The following FBXL7 variants were observed in gnomAD, a reference collection of about 807,000 sequenced individuals.
FBXL7 encodes F-box and leucine rich repeat protein 7.
A neutral mutation model predicts 38.3 loss-of-function variants in FBXL7; 12 were observed. That is an observed-to-expected ratio of 0.31 (90% confidence interval 0.20 to 0.51). The LOEUF is 0.51. FBXL7 is among the 20% of genes least tolerant of loss of function. FBXL7 has a pLI of 0.98. For synonymous variants in FBXL7, 297 were observed against 300.9 expected (o/e 0.99, Z 0.13); for missense variants, 567 against 676.4 (o/e 0.84, Z 1.79).
chr5:15,859,057 G>T lies in FBXL7; in HGVS notation c.128-68833G>T, dbSNP rs546612725. Among the ~76,000 whole-genome samples, 4 of 152,148 alleles carry T rather than the reference G, an allele frequency of 2.6e-5. No individual in the cohort carries two copies. The South Asian group carries it at 8.3e-4, about 32-fold the overall frequency. On this transcript the variant is annotated intron_variant, in intron 2 of 3. Transcript: ENST00000504595. The stretch of plus-strand genomic sequence containing the variant: ...TTAGGTTTTCAAATCCAATACTTAC[G>T]ATCAAGTGCTAGACAGAGATCAAAG...
intron 2 of FBXL7, among the ~76,000 whole-genome samples, chr5:15,683,502 G>T (rs1742916047): frequency 6.6e-6 from 1 of 152,140 alleles, no homozygotes; most frequent in African/African-American, 2.4e-5. Flanking sequence ...CCATGAGTAA[G>T]TTCCCCTTTA....
intron 2 of FBXL7, among the ~76,000 whole-genome samples, chr5:15,736,092 T>G (rs1359165532): frequency 2.6e-5 from 4 of 152,236 alleles, no homozygotes; most frequent in Admixed American, 6.5e-5. Flanking sequence ...GGGTGTTTCA[T>G]GTAAAGAAAA....
chr5:15,802,801 G>GC (rs1204447530), intron 2 of FBXL7, among the ~76,000 whole-genome samples: 29 of 152,098 alleles, frequency 1.9e-4, no homozygotes, highest in African/African-American at 6.7e-4. Flanking sequence ...TTACAGGCGT[G>GC]CACCACCATG....
At chr5:15,654,965 A>G (rs1476501761) in intron 2 of FBXL7, among the ~76,000 whole-genome samples, 4 of 152,222 alleles carry the variant, frequency 2.6e-5, no homozygotes. Flanking sequence ...AATTTCTCAG[A>G]GTGACTGTGG....
intron 2 of FBXL7, among the ~76,000 whole-genome samples, chr5:15,810,403 A>G (rs1737827461): frequency 6.6e-6 from 1 of 152,068 alleles, no homozygotes; most frequent in Non-Finnish European, 1.5e-5. Context: ...TCTACTAAAA[A>G]TACAAAAACC....
intron 2 of FBXL7, among the ~76,000 whole-genome samples, chr5:15,662,446 T>C (rs1235483738): frequency 6.6e-6 from 1 of 152,228 alleles, no homozygotes; most frequent in Non-Finnish European, 1.5e-5. Flanking sequence ...TCTCCCATTC[T>C]GTAGGTTGTC....
chr5:15,733,383 C>T (rs1735664719), intron 2 of FBXL7, among the ~76,000 whole-genome samples: 1 of 65,574 alleles, frequency 1.5e-5, no homozygotes. Flanking sequence ...GAGCCACCGC[C>T]CCGGCCAGAA....
intron 2 of FBXL7, among the ~76,000 whole-genome samples, chr5:15,702,469 G>A (rs1008290109): frequency 2.0e-5 from 3 of 152,234 alleles, no homozygotes; most frequent in Middle Eastern, 6.8e-3. Flanking sequence ...CAGGAGCCAC[G>A]CGGTATCTGC....
chr5:15,660,805 G>T (rs1223310447), intron 2 of FBXL7, among the ~76,000 whole-genome samples: 3 of 152,178 alleles, frequency 2.0e-5, no homozygotes, highest in Non-Finnish European at 4.4e-5. Flanking sequence ...CATAGCCAAG[G>T]TGGGCTGTTA....
At position 15,577,594 on chromosome 5, in the gene FBXL7, TTGTGTG is replaced by T. The variant is rs34405217; in HGVS notation, c.38-38351_38-38346del. ...ATGAATCATTACTATGTAATGCATT[TTGTGTG>T]TGTGTGTGTGTGTGTGTGTGTGTGT... On this transcript the variant is annotated intron_variant, in intron 1 of 3. Transcript: ENST00000504595. 6.3e-3 allele frequency among the ~76,000 whole-genome samples: 930 copies of T among 147,664 alleles called. 4 individuals carry two copies. The highest frequency in any genetic ancestry group is 0.016 in the East Asian group (79 of 4,888).
chr5:15,779,698 A>G (rs1736944081), intron 2 of FBXL7, among the ~76,000 whole-genome samples: 1 of 152,174 alleles, frequency 6.6e-6, no homozygotes, highest in South Asian at 2.1e-4. Context: ...AATTTTGAGC[A>G]TATTTTTAGG....
chr5:15,815,926 C>T lies in FBXL7; in HGVS notation c.128-111964C>T, dbSNP rs549886540. On this transcript the variant is annotated intron_variant, in intron 2 of 3. Transcript: ENST00000504595. ...ATATGTTTATATGTGAAACGTGCTGCAGCATTCTCACCAACGTGATGCAAA... is the reference window on the plus strand; with the variant it reads ...ATATGTTTATATGTGAAACGTGCTGTAGCATTCTCACCAACGTGATGCAAA... Among the ~76,000 whole-genome samples, 3 of 152,258 alleles carry T rather than the reference C, an allele frequency of 2.0e-5. No homozygotes were observed. The East Asian group carries it at 5.8e-4, about 29-fold the overall frequency.
chr5:15,708,187 C>T (rs903721086), intron 2 of FBXL7, among the ~76,000 whole-genome samples: 4 of 152,106 alleles, frequency 2.6e-5, no homozygotes, highest in Non-Finnish European at 5.9e-5. Context: ...GATTTTTATA[C>T]AAAAAACATA....
chr5:15,844,942 C>G (rs1738852472), intron 2 of FBXL7, among the ~76,000 whole-genome samples: 1 of 152,218 alleles, frequency 6.6e-6, no homozygotes, highest in Admixed American at 6.5e-5. Flanking sequence ...GCCAAGCACC[C>G]TATAAGAAAC....
chr5:15,928,560 G>A lies in FBXL7; in HGVS notation c.739+59G>A, dbSNP rs1741957570. 1.9e-6 allele frequency: 3 copies of A among 1,548,714 alleles called. No homozygotes were observed. Among genetic ancestry groups the A allele is most frequent in the African/African-American group, 1.4e-5 (1 of 73,786 alleles). ...TCCTGGTGCACCATCCTAAAACAGT[G>A]GGGACAGTGCCACCACCGGAGGGTC... is the stretch of plus-strand genomic sequence containing the variant. On this transcript the variant is annotated intron_variant, in intron 3 of 3. Transcript: ENST00000504595. This position sits in a 1 kb window ranked among gnomAD's most constrained non-coding sequence, Gnocchi z 4.0.
chr5:15,566,469 T>A (rs1477179530), intron 1 of FBXL7, among the ~76,000 whole-genome samples: 4 of 152,140 alleles, frequency 2.6e-5, no homozygotes, highest in Admixed American at 2.6e-4. Flanking sequence ...TTAATTCAGT[T>A]CAGTCAACTT....
At chr5:15,735,839 A>T (rs1421547404) in intron 2 of FBXL7, among the ~76,000 whole-genome samples, 1 of 152,198 alleles carries the variant, frequency 6.6e-6, no homozygotes, top group Non-Finnish European at 1.5e-5. Flanking sequence ...AGAAGAGAGC[A>T]CTGGGGTATT....
chr5:15,793,255 T>C (rs1262988020), intron 2 of FBXL7, among the ~76,000 whole-genome samples: 1 of 152,190 alleles, frequency 6.6e-6, no homozygotes, highest in African/African-American at 2.4e-5. Flanking sequence ...TATTCTTTCA[T>C]GGTTCTGGAG....
At chr5:15,623,275 T>A (rs1740711369) in intron 2 of FBXL7, among the ~76,000 whole-genome samples, 2 of 152,256 alleles carry the variant, frequency 1.3e-5, no homozygotes, top group Non-Finnish European at 2.9e-5. Context: ...TTCTTAACTT[T>A]CTTCAGTAGA....
Sources: gnomAD v4.1 joint callset for allele counts (sites outside exome capture counted in the v4.1 genomes callset) on GRCh38, gnomAD v4.1.1 for gene constraint, Gnocchi (gnomAD v3.1) non-coding constraint, MANE v1.5 for transcripts, NCBI Gene and HGNC (gene_info 2026-07-23, HGNC 2026-07-21) for gene names.